CHAF1B: variants seen among roughly 807,000 people sequenced by gnomAD.
CHAF1B encodes the protein chromatin assembly factor 1 subunit B, also known as CAF-1 subunit B.
A neutral mutation model predicts 60.7 loss-of-function variants in CHAF1B; 10 were observed. That is an observed-to-expected ratio of 0.16 (90% CI 0.10 to 0.28). The LOEUF is 0.28. Ranked by LOEUF, CHAF1B falls within the 10% of genes least tolerant of loss-of-function variation. The pLI is 1.00. For synonymous variants in CHAF1B, 261 were observed against 266.1 expected, an observed-to-expected ratio of 0.98 and a Z score of 0.19; for missense variants, 558 against 708.4, an observed-to-expected ratio of 0.79 and a Z score of 2.41.
At position 36,391,814 on chromosome 21, in the gene CHAF1B, C is replaced by G. The variant is rs888850215; in HGVS notation, c.377+146C>G. Reference sequence around the variant, plus strand: ...AGTGCTGTACTGTGATCACAGTACCCTGCAGCCTTGACTTCCCGGGCTCAA... The same window carrying G: ...AGTGCTGTACTGTGATCACAGTACCGTGCAGCCTTGACTTCCCGGGCTCAA... On this transcript the variant is annotated intron_variant, in intron 4 of 13. Transcript: ENST00000314103. 9.2e-6 allele frequency: 4 copies of G among 433,342 alleles called. No individual in the cohort carries two copies. The South Asian group carries it at 1.9e-4, about 20-fold the overall frequency. 26.8% of individuals were successfully genotyped at this position (433,342 alleles called of 1,614,324 possible).
intron 5 of CHAF1B, among the ~76,000 whole-genome samples, chr21:36,396,102 C>T (rs1326840744): frequency 6.6e-6 from 1 of 151,410 alleles, no homozygotes; most frequent in Non-Finnish European, 1.5e-5. Flanking sequence ...CCGGGTTCAA[C>T]AATTCTCCTG....
At chr21:36,402,893 TG>T in intron 8 of CHAF1B, 42 bp downstream of exon 8, 1 of 1,475,256 alleles carries the variant, frequency 6.8e-7, no homozygotes, top group East Asian at 2.3e-5. Context: ...GATGGCCGAG[TG>T]GGGATGTCTG....
chr21:36,398,472 G>A (rs191341082), intron 6 of CHAF1B, among the ~76,000 whole-genome samples: 171 of 152,216 alleles, frequency 1.1e-3, no homozygotes, highest in Middle Eastern at 3.4e-3. Flanking sequence ...CGATTCTCCT[G>A]CCTCATCCTC....
chr21:36,397,521 G>A lies in CHAF1B; in HGVS notation c.578+10G>A. ...CTCTGAGCTGTGACAGGTAAATTCA[G>A]CTTTGGCATTTACTTGGAATTTCTT... On this transcript the variant is annotated intron_variant, in intron 6 of 13. Coordinates refer to ENST00000314103, the MANE Select transcript of CHAF1B (RefSeq NM_005441.3). 1 of 1,431,556 alleles carries A rather than the reference G, an allele frequency of 7.0e-7. No individual in the cohort carries two copies. The highest frequency in any genetic ancestry group is 1.4e-5 in the South Asian group (1 of 71,626). The allele number at this position is 1,431,556 out of a possible 1,614,324, so 88.7% of individuals were successfully genotyped here.
intron 4 of CHAF1B, among the ~76,000 whole-genome samples, chr21:36,392,542 C>T (rs538958970): frequency 4.7e-4 from 70 of 147,774 alleles, no homozygotes; most frequent in African/African-American, 1.5e-3. Flanking sequence ...GGCAGCTGGC[C>T]GGGCGGGGGC....
intron 8 of CHAF1B, 51 bp from the exon 9 acceptor site, chr21:36,408,710 T>A (rs778040000): frequency 7.5e-7 from 1 of 1,326,664 alleles, no homozygotes; most frequent in Non-Finnish European, 1.1e-6. Flanking sequence ...GGTGAACAGT[T>A]TGCTGAAACA....
intron 8 of CHAF1B, among the ~76,000 whole-genome samples, chr21:36,408,400 G>A (rs1179485967): frequency 6.6e-6 from 1 of 152,184 alleles, no homozygotes; most frequent in South Asian, 2.1e-4. Flanking sequence ...GGGTCCTAGG[G>A]AGAAAGGAGC....
intron 1 of CHAF1B, 122 bp from the exon 2 acceptor site, chr21:36,385,938 T>G: frequency 1.8e-6 from 1 of 567,858 alleles, no homozygotes; most frequent in Non-Finnish European, 3.1e-6. Flanking sequence ...AAGGTGTTAT[T>G]GTCAGATGGC....
intron 8 of CHAF1B, among the ~76,000 whole-genome samples, chr21:36,403,476 A>AAAAAG (rs1569126339): frequency 1.3e-5 from 2 of 151,294 alleles, no homozygotes; most frequent in African/African-American, 4.8e-5. Flanking sequence ...AAAAAAAAAA[A>AAAAAG]AAAAGAAACT....
chr21:36,395,890 G>GC (rs1255188843), intron 5 of CHAF1B, among the ~76,000 whole-genome samples: 1 of 152,060 alleles, frequency 6.6e-6, no homozygotes, highest in African/African-American at 2.4e-5. Flanking sequence ...GGCTGCCACC[G>GC]CAGCACTGTG....
At chr21:36,386,798 C>T (rs1232840749) in intron 2 of CHAF1B, among the ~76,000 whole-genome samples, 1 of 151,710 alleles carries the variant, frequency 6.6e-6, no homozygotes, top group East Asian at 1.9e-4. Flanking sequence ...ACTGCAACCT[C>T]TGTCTCCCAG....
chr21:36,397,475 C>A lies in CHAF1B; in HGVS notation c.542C>A (p.Pro181His). The A allele has an allele frequency of 6.4e-7, 1 of 1,565,482 alleles. No individual in the cohort carries two copies. Among genetic ancestry groups the A allele is most frequent in the South Asian group, 1.2e-5 (1 of 85,026 alleles). Reference protein sequence around the residue: ...KSYVQGVTWDPLGQYVATLSC... With the variant: ...KSYVQGVTWDHLGQYVATLSC... ...TATGTCCAAGGAGTAACCTGGGACCCTTTGGGTCAATATGTTGCTACTCTG... is the reference window on the plus strand; with the variant it reads ...TATGTCCAAGGAGTAACCTGGGACCATTTGGGTCAATATGTTGCTACTCTG... The change falls in exon 6 of 14, where the codon CCT becomes CAT. Residue 181 changes from proline (P) to histidine (H), a missense_variant. Pro to His is a moderately conservative substitution (Grantham distance 77). Coordinates refer to ENST00000314103, the MANE Select transcript of CHAF1B (RefSeq NM_005441.3).
At chr21:36,415,637 C>T (rs2086312355) in intron 13 of CHAF1B, 1 of 518,460 alleles carries the variant, frequency 1.9e-6, no homozygotes, top group Non-Finnish European at 3.5e-6. Flanking sequence ...GTTTCTCCAC[C>T]TGATGACTGC....
intron 4 of CHAF1B, among the ~76,000 whole-genome samples, chr21:36,391,907 ATTTTTTTTTT>A (rs55920360): frequency 1.0e-4 from 7 of 67,040 alleles, no homozygotes; most frequent in Admixed American, 1.0e-3. Context: ...TGATTTTTAA[ATTTTTTTTTT>A]TTTTTTTTTT....
In CHAF1B at chr21:36,417,659, T is replaced by G. The variant is rs1408468599; in HGVS notation, c.*1293T>G. The stretch of plus-strand genomic sequence containing the variant: ...TATTATATTTTTAGGGGAGACGGGG[T>G]TTTTCCATGTTGCCCAGGCTGGTCT... On this transcript the variant is annotated 3_prime_UTR_variant, in exon 14 of 14. Transcript: ENST00000314103. The G allele has an allele frequency of 1.3e-5, 2 of 151,650 alleles. No individual in the cohort carries two copies. The highest frequency in any genetic ancestry group is 4.8e-5 in the African/African-American group (2 of 41,244). The allele number at this position is 151,650 out of a possible 1,614,324, so 9.4% of individuals were successfully genotyped here.
At chr21:36,412,639 G>A in intron 11 of CHAF1B, 2 of 464,488 alleles carry the variant, frequency 4.3e-6, no homozygotes, top group East Asian at 8.6e-5. Flanking sequence ...TGGGATTACA[G>A]GCGTGAGCCA....
At position 36,418,220 on chromosome 21, in the gene CHAF1B, G is replaced by C. The variant is rs751589270; in HGVS notation, c.*1854G>C. On this transcript the variant is annotated 3_prime_UTR_variant, in exon 14 of 14. Transcript: ENST00000314103. ...GTAGAGATGGTGTTTCACCATGTTG[G>C]TCAGGCTGGTCTCCAACGCCTGACC... is the stretch of plus-strand genomic sequence containing the variant. 1 of 151,598 alleles carries C rather than the reference G, an allele frequency of 6.6e-6. No homozygotes were observed. The highest frequency in any genetic ancestry group is 1.5e-5 in the Non-Finnish European group (1 of 67,950). 9.4% of individuals were successfully genotyped at this position (151,598 alleles called of 1,614,324 possible). A position where few individuals can be genotyped will look rare whatever the true frequency, so the allele number is the denominator to read the frequency against.
At chr21:36,413,346 C>T in intron 12 of CHAF1B, 31 bp downstream of exon 12, 1 of 1,517,008 alleles carries the variant, frequency 6.6e-7, no homozygotes, top group Non-Finnish European at 8.8e-7. Context: ...GATGTCATTG[C>T]AAAATGAAAC....
At chr21:36,393,446 CTT>C (rs748789062) in intron 4 of CHAF1B, among the ~76,000 whole-genome samples, 1,884 of 115,008 alleles carry the variant, frequency 0.016, 14 homozygotes, top group Admixed American at 0.028. Context: ...TACAGCTATC[CTT>C]TTTTTTTTTT....
Sources: allele counts gnomAD v4.1 joint callset (sites outside exome capture counted in the v4.1 genomes callset), GRCh38; gene constraint gnomAD v4.1.1; transcripts MANE v1.5; gene names NCBI Gene and HGNC (gene_info 2026-07-23, HGNC 2026-07-21).